The following SLC35F3 variants were observed in gnomAD, a reference collection of about 807,000 sequenced individuals.
The protein encoded by SLC35F3 is solute carrier family 35 member F3, also known as putative thiamine transporter SLC35F3.
In SLC35F3, 25 loss-of-function variants were observed where a neutral mutation model predicts 49.9. That is an observed-to-expected ratio of 0.50 (90% CI 0.37 to 0.70). The LOEUF (loss-of-function observed/expected upper bound fraction) is 0.70, where lower values mean the gene tolerates loss of function less well. SLC35F3 is among the 30% of genes least tolerant of loss of function. The pLI, the probability that SLC35F3 is intolerant of heterozygous loss-of-function variation, is 0.00. For missense variants in SLC35F3, 525 were observed against 639.8 expected (o/e 0.82, Z 1.94); for synonymous variants, 275 against 265.4 (o/e 1.04, Z -0.35).
At chr1:234,186,977 C>A (rs1264436843) in intron 2 of SLC35F3, among the ~76,000 whole-genome samples, 1 of 152,168 alleles carries the variant, frequency 6.6e-6, no homozygotes, top group Non-Finnish European at 1.5e-5. Flanking sequence ...TCTCTCATTC[C>A]TCCTTCCCCA....
chr1:234,231,520 G>A lies in SLC35F3; in HGVS notation c.387G>A (p.Arg129=). The A allele has an allele frequency of 1.2e-6, 2 of 1,613,902 alleles. No homozygotes were observed. Among genetic ancestry groups the A allele is most frequent in the Non-Finnish European group, 1.7e-6 (2 of 1,179,918 alleles). ...RASRRCWTCS[R]AQLKKIFWGV... ...GTCGCCGCTGCTGGACGTGCTCCCG[G>A]GCGCAACTCAAGAAGATCTTCTGGG... The change falls in exon 3 of 8, where the codon CGG becomes CGA. Residue 129 remains arginine (R), a synonymous_variant. Transcript: ENST00000366618. This position sits in a 1 kb window ranked among gnomAD's most constrained non-coding sequence, Gnocchi z 5.4.
intron 3 of SLC35F3, among the ~76,000 whole-genome samples, chr1:234,232,830 T>C (rs1667406157): frequency 6.6e-6 from 1 of 152,244 alleles, no homozygotes; most frequent in Non-Finnish European, 1.5e-5. Flanking sequence ...CCAGAATTTC[T>C]TTCCGGGAAT....
intron 2 of SLC35F3, among the ~76,000 whole-genome samples, chr1:233,928,585 G>T (rs1182776377): frequency 6.6e-6 from 1 of 152,074 alleles, no homozygotes; most frequent in Non-Finnish European, 1.5e-5. Flanking sequence ...TCAGATAGTT[G>T]TTGAAAATAT....
chr1:234,046,719 T>C lies in SLC35F3; in HGVS notation c.283+140961T>C, dbSNP rs1558214020. On this transcript the variant is annotated intron_variant, in intron 2 of 7. Coordinates refer to ENST00000366618, the MANE Select transcript of SLC35F3 (RefSeq NM_173508.4). This position sits in a 1 kb window ranked among gnomAD's most constrained non-coding sequence, Gnocchi z 4.4. ...TCTACTATTTTGAAAATTTTAAACA[T>C]TTCCTTTATGCATTTAGTTATTTAA... Among the ~76,000 whole-genome samples, 1 of 152,216 alleles carries C rather than the reference T, an allele frequency of 6.6e-6. No individual in the cohort carries two copies. Among genetic ancestry groups the C allele is most frequent in the Non-Finnish European group, 1.5e-5 (1 of 68,028 alleles).
At chr1:234,041,185 G>A (rs1664214503) in intron 2 of SLC35F3, among the ~76,000 whole-genome samples, 1 of 152,112 alleles carries the variant, frequency 6.6e-6, no homozygotes, top group African/African-American at 2.4e-5. Context: ...CACTACTACT[G>A]TAATAAATAC....
intron 2 of SLC35F3, among the ~76,000 whole-genome samples, chr1:234,162,031 G>A (rs1221181520): frequency 2.0e-5 from 3 of 152,054 alleles, no homozygotes; most frequent in East Asian, 3.9e-4. Context: ...AGGTCTAATC[G>A]ACCTGTGCTG....
intron 2 of SLC35F3, among the ~76,000 whole-genome samples, chr1:234,064,957 A>G (rs1664596393): frequency 6.6e-6 from 1 of 152,232 alleles, no homozygotes; most frequent in South Asian, 2.1e-4. Context: ...TATAAGAGGT[A>G]AAAAGAAGAC....
At chr1:233,942,397 A>C (rs1662441808) in intron 2 of SLC35F3, among the ~76,000 whole-genome samples, 1 of 152,060 alleles carries the variant, frequency 6.6e-6, no homozygotes, top group South Asian at 2.1e-4. Context: ...ACTTAATATG[A>C]CATATAACCT....
At chr1:234,139,968 A>ATTAAATTAAAT in intron 2 of SLC35F3, among the ~76,000 whole-genome samples, 1 of 134,382 alleles carries the variant, frequency 7.4e-6, no homozygotes, top group African/African-American at 2.8e-5. Flanking sequence ...ATAAAATAAA[A>ATTAAATTAAAT]TAAAATAAAA....
intron 2 of SLC35F3, among the ~76,000 whole-genome samples, chr1:234,003,084 A>C (rs922952286): frequency 6.6e-5 from 10 of 152,162 alleles, no homozygotes; most frequent in Non-Finnish European, 1.0e-4. Flanking sequence ...TTCCTGCCCC[A>C]GTCCTAGAAT....
At chr1:234,125,929 G>GTC (rs768531542) in intron 2 of SLC35F3, among the ~76,000 whole-genome samples, 4 of 152,170 alleles carry the variant, frequency 2.6e-5, no homozygotes, top group Non-Finnish European at 5.9e-5. Flanking sequence ...ATGAAGAACA[G>GTC]TCTCTGCAGT....
At chr1:234,251,577 C>G (rs570470730) in intron 3 of SLC35F3, among the ~76,000 whole-genome samples, 1 of 151,160 alleles carries the variant, frequency 6.6e-6, no homozygotes, top group Admixed American at 6.6e-5. Flanking sequence ...GAATCAACAA[C>G]ATAAAAATGT....
intron 3 of SLC35F3, among the ~76,000 whole-genome samples, chr1:234,246,961 G>A (rs1210791490): frequency 2.6e-5 from 4 of 152,238 alleles, no homozygotes; most frequent in Non-Finnish European, 5.9e-5. Context: ...ACAGCACAGA[G>A]GAGGTGGCAG....
chr1:233,937,261 A>G (rs1000955592), intron 2 of SLC35F3, among the ~76,000 whole-genome samples: 2 of 152,276 alleles, frequency 1.3e-5, no homozygotes, highest in African/African-American at 4.8e-5. Context: ...AAAGGAGATT[A>G]AGGGCAATTT....
At chr1:234,206,498 C>CGGG (rs369785955) in intron 2 of SLC35F3, among the ~76,000 whole-genome samples, 1 of 79,718 alleles carries the variant, frequency 1.3e-5, no homozygotes, top group African/African-American at 5.0e-5. Context: ...CGCTATTTCC[C>CGGG]GGGGGGGGGC....
chr1:234,117,890 A>AAT (rs1665513227), intron 2 of SLC35F3, among the ~76,000 whole-genome samples: 2 of 140,454 alleles, frequency 1.4e-5, no homozygotes, highest in East Asian at 1.4e-3. Flanking sequence ...TGTCTCAAAA[A>AAT]AGAAAAAAAA....
At chr1:234,096,114 A>G (rs1208430902) in intron 2 of SLC35F3, among the ~76,000 whole-genome samples, 3 of 152,206 alleles carry the variant, frequency 2.0e-5, no homozygotes, top group African/African-American at 4.8e-5. Context: ...TCTTTCTAAC[A>G]TTTTGCTCTT....
chr1:234,068,859 C>T lies in SLC35F3; in HGVS notation c.284-162558C>T, dbSNP rs1412525223. Among the ~76,000 whole-genome samples, 19 of 58,432 alleles carry T rather than the reference C, an allele frequency of 3.3e-4. 2 individuals are homozygous for T. The highest frequency in any genetic ancestry group is 4.2e-4 in the African/African-American group (6 of 14,120). 38.3% of individuals were successfully genotyped at this position (58,432 alleles called of 152,430 possible). A position where few individuals can be genotyped will look rare whatever the true frequency, so the allele number is the denominator to read the frequency against. ...TATATATATATATATATATATATGG[C>T]ATATTTATATATATTTTACATATTT... On this transcript the variant is annotated intron_variant, in intron 2 of 7. Transcript: ENST00000366618.
At chr1:234,270,243 C>G (rs1274316672) in intron 3 of SLC35F3, among the ~76,000 whole-genome samples, 1 of 152,100 alleles carries the variant, frequency 6.6e-6, no homozygotes, top group African/African-American at 2.4e-5. Flanking sequence ...GGCACCTGCC[C>G]CCTGCCTCAA....
Sources: gnomAD v4.1 joint callset for allele counts (sites outside exome capture counted in the v4.1 genomes callset) on GRCh38, gnomAD v4.1.1 for gene constraint, Gnocchi (gnomAD v3.1) non-coding constraint, MANE v1.5 for transcripts, NCBI Gene and HGNC (gene_info 2026-07-23, HGNC 2026-07-21) for gene names.